ANKUB1: variants seen among roughly 807,000 people sequenced by gnomAD.
ANKUB1 encodes protein ANKUB1.
ANKUB1 carries 42 observed loss-of-function variants against 49.3 expected under a neutral mutation model. The ratio of observed to expected loss-of-function variants is 0.85; its 90% CI spans 0.67 to 1.10. The LOEUF (loss-of-function observed/expected upper bound fraction) is 1.10, where lower values mean the gene tolerates loss of function less well. Among genes scored for constraint, ANKUB1 ranks in the 50% least tolerant of loss-of-function variants. The pLI is 0.00. For synonymous variants in ANKUB1, 222 were observed against 231.0 expected (o/e 0.96, Z 0.35); for missense variants, 613 against 642.0 (o/e 0.95, Z 0.49).
chr3:149,791,003 A>AT (rs1559873288), intron 1 of ANKUB1, 79 bp from the exon 2 acceptor site: 6 of 1,375,374 alleles, frequency 4.4e-6, no homozygotes, highest in South Asian at 1.6e-5. Flanking sequence ...TTCCCTTTAC[A>AT]TTTTTTTCCT....
intron 2 of ANKUB1, among the ~76,000 whole-genome samples, chr3:149,781,172 A>AG (rs1176285063): frequency 6.6e-6 from 1 of 152,026 alleles, no homozygotes; most frequent in Non-Finnish European, 1.5e-5. Context: ...GGTTTAGAAA[A>AG]GTTTCTTTTG....
At chr3:149,776,400 T>A (rs1460468716) in intron 3 of ANKUB1, among the ~76,000 whole-genome samples, 2 of 152,328 alleles carry the variant, frequency 1.3e-5, no homozygotes, top group East Asian at 3.9e-4. Flanking sequence ...CTCATAGGGC[T>A]TGGTCTCCAC....
chr3:149,779,742 G>A (rs1717768041), intron 3 of ANKUB1: 1 of 157,382 alleles, frequency 6.4e-6, no homozygotes, highest in Non-Finnish European at 1.4e-5. Context: ...AAAGAGAAGA[G>A]ATGAAGTGGC....
intron 2 of ANKUB1, among the ~76,000 whole-genome samples, chr3:149,789,585 CTG>C (rs1387864987): frequency 6.6e-6 from 1 of 151,062 alleles, no homozygotes; most frequent in African/African-American, 2.4e-5. Flanking sequence ...GATCATTATT[CTG>C]TGACTTGTCT....
chr3:149,788,388 C>G (rs1718207791), intron 2 of ANKUB1, among the ~76,000 whole-genome samples: 1 of 145,966 alleles, frequency 6.9e-6, no homozygotes, highest in Non-Finnish European at 1.5e-5. Flanking sequence ...ATAAACTCCT[C>G]TTTTTTTTTT....
At chr3:149,784,784 C>T (rs994916361) in intron 2 of ANKUB1, among the ~76,000 whole-genome samples, 14 of 152,122 alleles carry the variant, frequency 9.2e-5, no homozygotes, top group African/African-American at 3.4e-4. Flanking sequence ...TGGGATATGC[C>T]ACAGTAAGGG....
At chr3:149,788,609 T>A (rs1386901026) in intron 2 of ANKUB1, among the ~76,000 whole-genome samples, 1 of 152,200 alleles carries the variant, frequency 6.6e-6, no homozygotes. Context: ...ATTAGCAGTT[T>A]AAAACTTCAG....
At chr3:149,770,800 G>A in intron 3 of ANKUB1, 126 bp from the exon 4 acceptor site, 2 of 615,172 alleles carry the variant, frequency 3.3e-6, no homozygotes, top group Non-Finnish European at 5.6e-6. Context: ...AATAACCTTG[G>A]AACAAGGAGA....
At chr3:149,781,124 C>T (rs1192123103) in intron 2 of ANKUB1, among the ~76,000 whole-genome samples, 1 of 151,712 alleles carries the variant, frequency 6.6e-6, no homozygotes, top group African/African-American at 2.4e-5. Flanking sequence ...CTGCACCTGG[C>T]CTACTTTTAC....
chr3:149,790,747 A>T (rs1175859810), intron 2 of ANKUB1, 34 bp downstream of exon 2: 4 of 1,517,200 alleles, frequency 2.6e-6, no homozygotes, highest in Non-Finnish European at 3.5e-6. Context: ...AATGAGATAG[A>T]TATCTTAGAC....
intron 2 of ANKUB1, among the ~76,000 whole-genome samples, chr3:149,785,177 A>G: frequency 6.6e-6 from 1 of 152,226 alleles, no homozygotes; most frequent in East Asian, 1.9e-4. Flanking sequence ...AATTGGAGGT[A>G]TATACCATAG....
intron 3 of ANKUB1, among the ~76,000 whole-genome samples, chr3:149,773,258 A>C (rs768392150): frequency 6.6e-6 from 1 of 152,040 alleles, no homozygotes; most frequent in Admixed American, 6.6e-5. Context: ...TATAACCTGT[A>C]ATCTTGAAAT....
At position 149,762,302 on chromosome 3, in the gene ANKUB1, A is replaced by G. The variant is rs191981204; in HGVS notation, c.1506-689T>C. On this transcript the variant is annotated intron_variant, in intron 5 of 5. Coordinates refer to ENST00000446160, the MANE Select transcript of ANKUB1 (RefSeq NM_001144960.3). ...AAAAGTGGCATATCTCCAATTAACA[A>G]ATAAAAATATTCATCCCATAGACAC... is the stretch of plus-strand genomic sequence containing the variant. 1.4e-3 allele frequency among the ~76,000 whole-genome samples: 210 copies of G among 152,312 alleles called. 3 individuals are homozygous for G. The highest frequency in any genetic ancestry group is 4.8e-3 in the African/African-American group (198 of 41,574).
In ANKUB1 at chr3:149,768,104, G is replaced by C; in HGVS notation, c.567-9C>G. 1 of 1,337,608 alleles carries C rather than the reference G, an allele frequency of 7.5e-7. No homozygotes were observed. The allele number at this position is 1,337,608 out of a possible 1,614,324, so 82.9% of individuals were successfully genotyped here. On this transcript the variant is annotated splice_polypyrimidine_tract_variant and intron_variant, in intron 4 of 5. Transcript: ENST00000446160. Reference sequence around the variant, plus strand: ...CTACCCTTTTCTGATACCTAAATGAGTGAAACAAGTGGGGAGGGGGTGTTT... The same window carrying C: ...CTACCCTTTTCTGATACCTAAATGACTGAAACAAGTGGGGAGGGGGTGTTT...
At chr3:149,762,230 T>A (rs972326204) in intron 5 of ANKUB1, among the ~76,000 whole-genome samples, 2 of 152,286 alleles carry the variant, frequency 1.3e-5, no homozygotes, top group Non-Finnish European at 2.9e-5. Flanking sequence ...GAGTCCTCAT[T>A]TACTCACTGT....
At chr3:149,790,640 C>T in intron 2 of ANKUB1, 141 bp downstream of exon 2, 1 of 806,742 alleles carries the variant, frequency 1.2e-6, no homozygotes, top group South Asian at 1.9e-5. Context: ...ATGCGTAAGA[C>T]CTGTTATACA....
chr3:149,779,174 A>G (rs1045657536), intron 3 of ANKUB1: 1 of 149,134 alleles, frequency 6.7e-6, no homozygotes, highest in African/African-American at 2.5e-5. Context: ...CTGGAAGTAC[A>G]GATTTTTTTT....
intron 4 of ANKUB1, among the ~76,000 whole-genome samples, chr3:149,769,062 T>C (rs1016779303): frequency 4.6e-5 from 7 of 152,128 alleles, no homozygotes; most frequent in African/African-American, 1.7e-4. Context: ...TACCCCACAA[T>C]AGAAATTAGT....
At chr3:149,773,941 T>C (rs781701142) in intron 3 of ANKUB1, among the ~76,000 whole-genome samples, 13 of 152,114 alleles carry the variant, frequency 8.5e-5, no homozygotes, top group Non-Finnish European at 1.9e-4. Context: ...GTGGGAGGAT[T>C]GCTTGAGGCC....
Sources: gnomAD v4.1 joint callset for allele counts (sites outside exome capture counted in the v4.1 genomes callset) on GRCh38, gnomAD v4.1.1 for gene constraint, MANE v1.5 for transcripts, NCBI Gene and HGNC (gene_info 2026-07-23, HGNC 2026-07-21) for gene names.